CRYZL1: variants seen among roughly 807,000 people sequenced by gnomAD.
CRYZL1 encodes the protein ferry endosomal RAB5 effector complex subunit 4.
Under a neutral mutation model 50.6 loss-of-function variants are expected in CRYZL1, and 34 were observed. That is an observed-to-expected ratio of 0.67 (90% CI 0.51 to 0.89). CRYZL1 has a LOEUF of 0.89. Ranked by LOEUF, CRYZL1 falls within the 40% of genes least tolerant of loss-of-function variation. The pLI is 0.00. For synonymous variants in CRYZL1, 125 were observed against 134.3 expected (o/e 0.93, Z 0.48); for missense variants, 354 against 402.3 (o/e 0.88, Z 1.03).
At chr21:33,590,505 T>C (rs2086633459) in intron 12 of CRYZL1, among the ~76,000 whole-genome samples, 1 of 150,172 alleles carries the variant, frequency 6.7e-6, no homozygotes, top group Non-Finnish European at 1.5e-5. Flanking sequence ...AACCTTCACC[T>C]CCCAGGTTCA....
At chr21:33,599,599 A>T (rs778195215) in intron 8 of CRYZL1, among the ~76,000 whole-genome samples, 1 of 151,656 alleles carries the variant, frequency 6.6e-6, no homozygotes, top group Admixed American at 6.6e-5. Flanking sequence ...ACAGAGGTAC[A>T]TATATAATAC....
At chr21:33,591,258 C>T (rs773512254) in intron 11 of CRYZL1, 51 bp from the exon 12 acceptor site, 9 of 1,464,344 alleles carry the variant, frequency 6.1e-6, no homozygotes, top group South Asian at 1.1e-5. Flanking sequence ...TTAAATAAAA[C>T]CATTCAATAA....
At chr21:33,592,762 C>T (rs1158258210) in intron 11 of CRYZL1, among the ~76,000 whole-genome samples, 2 of 151,976 alleles carry the variant, frequency 1.3e-5, no homozygotes, top group Admixed American at 6.6e-5. Flanking sequence ...TTAGAAAATG[C>T]AAATTAGGGC....
At chr21:33,623,889 G>T (rs1293479573) in intron 3 of CRYZL1, among the ~76,000 whole-genome samples, 1 of 152,070 alleles carries the variant, frequency 6.6e-6, no homozygotes, top group Admixed American at 6.6e-5. Flanking sequence ...TTACTGCAGG[G>T]TAATGTGAGG....
chr21:33,589,672 G>A lies in CRYZL1; in HGVS notation c.*150C>T. 3.4e-6 allele frequency: 2 copies of A among 595,752 alleles called. No homozygotes were observed. Among genetic ancestry groups the A allele is most frequent in the Non-Finnish European group, 6.1e-6 (2 of 327,836 alleles). The allele number at this position is 595,752 out of a possible 1,614,324, so 36.9% of individuals were successfully genotyped here. A position where few individuals can be genotyped will look rare whatever the true frequency, so the allele number is the denominator to read the frequency against. On this transcript the variant is annotated 3_prime_UTR_variant, in exon 13 of 13. Coordinates refer to ENST00000381554, the MANE Select transcript of CRYZL1 (RefSeq NM_145858.3). ...AATTTTTCAAACACTTTTCAAATGT[G>A]TCAACTGAGCATCTTGTCTTAGCAG...
intron 2 of CRYZL1, among the ~76,000 whole-genome samples, chr21:33,629,210 G>C (rs568083291): frequency 6.6e-6 from 1 of 152,114 alleles, no homozygotes; most frequent in South Asian, 2.1e-4. Flanking sequence ...GGGTGATGGC[G>C]CAAGACCCTG....
chr21:33,625,788 A>G (rs1569091361), intron 2 of CRYZL1, among the ~76,000 whole-genome samples: 1 of 151,944 alleles, frequency 6.6e-6, no homozygotes, highest in Non-Finnish European at 1.5e-5. Flanking sequence ...CCAGCCCTTA[A>G]ATTTTCTTAA....
intron 6 of CRYZL1, among the ~76,000 whole-genome samples, chr21:33,604,063 T>C (rs1304289942): frequency 8.0e-5 from 12 of 149,960 alleles, no homozygotes; most frequent in African/African-American, 3.0e-4. Flanking sequence ...CCATCCTGAC[T>C]GACACGGTGA....
rs141558779 is a variant in CRYZL1 at position 33,626,072 on chromosome 21, G to C, written c.67-1312C>G. Among the ~76,000 whole-genome samples, 533 of 152,126 alleles carry C rather than the reference G, an allele frequency of 3.5e-3. 4 individuals are homozygous for C. Among genetic ancestry groups the C allele is most frequent in the African/African-American group, 0.012 (504 of 41,524 alleles). ...GAGTTCAAGTGATTCTCCTGCCTCA[G>C]CCTCCTGAGTAGCTGGGATTACAGG... On this transcript the variant is annotated intron_variant, in intron 2 of 12. Coordinates refer to ENST00000381554, the MANE Select transcript of CRYZL1 (RefSeq NM_145858.3).
chr21:33,608,483 T>A (rs909980839), intron 6 of CRYZL1, among the ~76,000 whole-genome samples: 1 of 151,906 alleles, frequency 6.6e-6, no homozygotes, highest in African/African-American at 2.4e-5. Context: ...TAAAAACATA[T>A]CCCTCCTGTT....
chr21:33,630,357 G>A (rs905973881), intron 2 of CRYZL1, among the ~76,000 whole-genome samples: 1 of 152,148 alleles, frequency 6.6e-6, no homozygotes, highest in African/African-American at 2.4e-5. Flanking sequence ...AGGCTGAGGC[G>A]AGCGGATCAC....
chr21:33,598,562 G>GA (rs1483073258), intron 9 of CRYZL1, among the ~76,000 whole-genome samples: 2 of 152,188 alleles, frequency 1.3e-5, no homozygotes, highest in Non-Finnish European at 2.9e-5. Context: ...AGAGACTGCA[G>GA]AAGTCAACTA....
At position 33,629,778 on chromosome 21, in the gene CRYZL1, A is replaced by G. The variant is rs531008924; in HGVS notation, c.66+1708T>C. On this transcript the variant is annotated intron_variant, in intron 2 of 12. Coordinates refer to ENST00000381554, the MANE Select transcript of CRYZL1 (RefSeq NM_145858.3). ...GACTTCTATTATTATGTTGAATAGA[A>G]GTAGTGAAAGTGGGCATCCTTGCCT... Among the ~76,000 whole-genome samples, 5 of 152,306 alleles carry G rather than the reference A, an allele frequency of 3.3e-5. No individual in the cohort carries two copies. In the South Asian group the frequency reaches 1.0e-3, roughly 32 times the overall value.
chr21:33,603,201 A>C (rs1037449061), intron 7 of CRYZL1: 1 of 548,738 alleles, frequency 1.8e-6, no homozygotes. Context: ...CAGCAGATTC[A>C]AAGTCATAAA....
intron 2 of CRYZL1, among the ~76,000 whole-genome samples, chr21:33,625,975 T>C (rs2087057665): frequency 6.6e-6 from 1 of 151,508 alleles, no homozygotes; most frequent in Admixed American, 6.6e-5. Context: ...AAATTCTTTT[T>C]TCATTTTTTT....
chr21:33,625,336 C>T (rs199561094), intron 2 of CRYZL1, among the ~76,000 whole-genome samples: 51 of 151,778 alleles, frequency 3.4e-4, no homozygotes, highest in African/African-American at 1.2e-3. Context: ...TTTGTATTTT[C>T]AGTAGAGACG....
chr21:33,641,369 A>G (rs2087327932), intron 1 of CRYZL1: 1 of 1,503,312 alleles, frequency 6.7e-7, no homozygotes, highest in South Asian at 1.3e-5. Flanking sequence ...GCAGAGGAGA[A>G]AAACCCAACC....
chr21:33,612,121 G>A (rs1023397338), intron 6 of CRYZL1, among the ~76,000 whole-genome samples: 5 of 152,066 alleles, frequency 3.3e-5, no homozygotes, highest in African/African-American at 1.2e-4. Context: ...GCCTCCTAGT[G>A]CACATCAAAT....
At position 33,595,744 on chromosome 21, in the gene CRYZL1, C is replaced by T. The variant is rs756302536; in HGVS notation, c.891G>A (p.Gln297=). 13 of 1,613,742 alleles carry T rather than the reference C, an allele frequency of 8.1e-6. No homozygotes were observed. Among genetic ancestry groups the T allele is most frequent in the Admixed American group, 3.3e-5 (2 of 60,016 alleles). Residue 297 remains glutamine, a synonymous_variant, in exon 11 of 13, where the codon CAG becomes CAA. Coordinates refer to ENST00000381554, the MANE Select transcript of CRYZL1 (RefSeq NM_145858.3). ...TAAAAAGGATATAAAGATATTTTCC[C>T]TGTTGTACATTTGACAAATTCCAAA... is the stretch of plus-strand genomic sequence containing the variant. ...DEVWNLSNVQ[Q]GKYLCILKDV...
Sources: gnomAD v4.1 joint callset for allele counts (sites outside exome capture counted in the v4.1 genomes callset) on GRCh38, gnomAD v4.1.1 for gene constraint, MANE v1.5 for transcripts, NCBI Gene and HGNC (gene_info 2026-07-23, HGNC 2026-07-21) for gene names.